TTC16: variants seen among roughly 807,000 people sequenced by gnomAD.
TTC16 encodes the protein tetratricopeptide repeat domain 16.
A neutral mutation model predicts 80.4 loss-of-function variants in TTC16; 66 were observed. The ratio of observed to expected loss-of-function variants is 0.82; its 90% CI spans 0.67 to 1.01. TTC16 has a LOEUF of 1.01. Among genes scored for constraint, TTC16 ranks in the 50% least tolerant of loss-of-function variants. TTC16 has a pLI of 0.00. For missense variants in TTC16, 1,070 were observed against 1,103.2 expected, an observed-to-expected ratio of 0.97 and a Z score of 0.43; for synonymous variants, 438 against 451.3, an observed-to-expected ratio of 0.97 and a Z score of 0.37.
chr9:127,730,954 G>A lies in TTC16; in HGVS notation c.2171G>A (p.Arg724Lys), dbSNP rs868470251. The A allele has an allele frequency of 6.2e-7, 1 of 1,609,918 alleles. No individual in the cohort carries two copies. The highest frequency in any genetic ancestry group is 8.5e-7 in the Non-Finnish European group (1 of 1,179,054). Residue 724 changes from arginine to lysine, a missense_variant, in exon 14 of 14, where the codon AGG becomes AAG. Coordinates refer to ENST00000373289, the MANE Select transcript of TTC16 (RefSeq NM_144965.3). ...QSQRRNSSKT[R>K]ATQGQGQSSS... Reference sequence around the variant, plus strand: ...CAGAGGCGGAACTCCAGCAAGACCAGGGCCACCCAGGGCCAGGGGCAGAGC... The same window carrying A: ...CAGAGGCGGAACTCCAGCAAGACCAAGGCCACCCAGGGCCAGGGGCAGAGC...
Position 127,727,084 on chromosome 9 carries a change from C to G in TTC16, c.1540C>G (p.Gln514Glu). 6.2e-7 allele frequency: 1 copy of G among 1,608,430 alleles called. No individual in the cohort carries two copies. The highest frequency in any genetic ancestry group is 1.1e-5 in the South Asian group (1 of 90,654). Residue 514 changes from glutamine (Q) to glutamate (E), a missense_variant, in exon 11 of 14, where the codon CAG (glutamine) becomes GAG (glutamate). Coordinates refer to ENST00000373289, the MANE Select transcript of TTC16 (RefSeq NM_144965.3). ...GGAGCAGATGGTGGAGGGCAGCCTGCAGGCCGGCAGCCCACAAGGCATTGT... is the reference window on the plus strand; with the variant it reads ...GGAGCAGATGGTGGAGGGCAGCCTGGAGGCCGGCAGCCCACAAGGCATTGT... ...QLEQMVEGSL[Q>E]AGSPQGIVGM... is the part of the protein sequence containing the mutation.
chr9:127,730,978 G>A lies in TTC16; in HGVS notation c.2195G>A (p.Ser732Asn). 6.2e-7 allele frequency: 1 copy of A among 1,612,454 alleles called. No individual in the cohort carries two copies. The highest frequency in any genetic ancestry group is 8.5e-7 in the Non-Finnish European group (1 of 1,179,656). Residue 732 changes from serine to asparagine, a missense_variant, in exon 14 of 14, where the codon AGC (serine) becomes AAC (asparagine). By Grantham distance (46) the Ser-to-Asn change is conservative. Transcript: ENST00000373289. Reference sequence around the variant, plus strand: ...AGGGCCACCCAGGGCCAGGGGCAGAGCTCCAGCAAGACTGAGGCCACTCAG... The same window carrying A: ...AGGGCCACCCAGGGCCAGGGGCAGAACTCCAGCAAGACTGAGGCCACTCAG... ...KTRATQGQGQ[S>N]SSKTEATQGQ...
intron 6 of TTC16, among the ~76,000 whole-genome samples, chr9:127,721,181 A>G (rs1171125329): frequency 2.0e-5 from 3 of 151,364 alleles, no homozygotes; most frequent in African/African-American, 7.3e-5. Context: ...AGTCAGTGGG[A>G]GCCTCCACCA....
intron 9 of TTC16, among the ~76,000 whole-genome samples, chr9:127,725,419 C>T (rs1456874924): frequency 6.6e-6 from 1 of 150,952 alleles, no homozygotes; most frequent in Non-Finnish European, 1.5e-5. Flanking sequence ...AAAAAATTAG[C>T]CGGGCGTCGT....
At position 127,731,145 on chromosome 9, in the gene TTC16, G is replaced by A; in HGVS notation, c.2362G>A (p.Val788Ile). ...ARGRSWRPSK[V>I]DATQGRSRGL... is the part of the protein sequence containing the mutation. ...TGGCCGGAGCTGGAGACCCAGCAAG[G>A]TTGATGCCACCCAGGGCCGAAGCAG... Residue 788 changes from valine (V) to isoleucine (I), a missense_variant, in exon 14 of 14, where the codon GTT becomes ATT. Val to Ile is a conservative substitution (Grantham distance 29). Coordinates refer to ENST00000373289, the MANE Select transcript of TTC16 (RefSeq NM_144965.3). 6.2e-7 allele frequency: 1 copy of A among 1,611,524 alleles called. No homozygotes were observed. The highest frequency in any genetic ancestry group is 8.5e-7 in the Non-Finnish European group (1 of 1,179,468).
chr9:127,727,379 G>C lies in TTC16; in HGVS notation c.1678G>C (p.Glu560Gln), dbSNP rs1270057999. Residue 560 changes from glutamate (E) to glutamine (Q), a missense_variant, in exon 12 of 14, where the codon GAG (glutamate) becomes CAG (glutamine). Transcript: ENST00000373289. Reference protein sequence around the residue: ...ATSEELKATPEIPQVKPGSSE... With the variant: ...ATSEELKATPQIPQVKPGSSE... ...CTCCGAGGAGCTGAAGGCCACCCCT[G>C]AGATTCCGCAGGTAAAACCGGGAAG... 1 of 1,611,640 alleles carries C rather than the reference G, an allele frequency of 6.2e-7. No homozygotes were observed. Among genetic ancestry groups the C allele is most frequent in the Non-Finnish European group, 8.5e-7 (1 of 1,179,090 alleles).
chr9:127,730,768 G>A lies in TTC16; in HGVS notation c.1985G>A (p.Arg662Lys). The change falls in exon 14 of 14, where the codon AGG (arginine) becomes AAG (lysine). Residue 662 changes from arginine to lysine, a missense_variant. Arg to Lys is a conservative substitution (Grantham distance 26, BLOSUM62 2). Transcript: ENST00000373289. ...CAATCCTCGGACTCTGGGAACAACAGGGAGGCACTAAGCCATGGTCCCAGA... is the reference window on the plus strand; with the variant it reads ...CAATCCTCGGACTCTGGGAACAACAAGGAGGCACTAAGCCATGGTCCCAGA... Reference protein sequence around the residue: ...KTQSSDSGNNREALSHGPRKI... With the variant: ...KTQSSDSGNNKEALSHGPRKI... 6.2e-7 allele frequency: 1 copy of A among 1,613,742 alleles called. No individual in the cohort carries two copies. Among genetic ancestry groups the A allele is most frequent in the Non-Finnish European group, 8.5e-7 (1 of 1,180,042 alleles).
chr9:127,726,333 C>G lies in TTC16; in HGVS notation c.1354C>G (p.Leu452Val). 6.2e-7 allele frequency: 1 copy of G among 1,612,540 alleles called. No individual in the cohort carries two copies. The highest frequency in any genetic ancestry group is 8.5e-7 in the Non-Finnish European group (1 of 1,179,504). ...CCTGTACCGGGCCAAGAGCCGGCAG[C>G]TGCTGCAGAACATTTTTGGGGCCCG... is the stretch of plus-strand genomic sequence containing the variant. ...YYLYRAKSRQ[L>V]LQNIFGARQD... Residue 452 changes from leucine to valine, a missense_variant, in exon 10 of 14, where the codon CTG becomes GTG. By Grantham distance (32) the Leu-to-Val change is conservative. Transcript: ENST00000373289.
chr9:127,729,454 TG>T, intron 12 of TTC16, 126 bp from the exon 13 acceptor site: 1 of 734,800 alleles, frequency 1.4e-6, no homozygotes, highest in Non-Finnish European at 2.3e-6. Flanking sequence ...CACTCTAACC[TG>T]GCACCTTCAA....
rs1798171546 is a variant in TTC16, at chr9:127,724,849, G to A, written c.1211G>A (p.Arg404His). The A allele has an allele frequency of 4.4e-6, 7 of 1,590,814 alleles. No individual in the cohort carries two copies. The highest frequency in any genetic ancestry group is 6.0e-6 in the Non-Finnish European group (7 of 1,170,078). ...LSPQDEGANT[R>H]MGLLQEKMGF... ...CCTCAGGACGAGGGCGCCAACACGC[G>A]CATGGGCCTGCTGCAGGAGAAGATG... Residue 404 changes from arginine to histidine, a missense_variant, in exon 9 of 14, where the codon CGC (arginine) becomes CAC (histidine). Transcript: ENST00000373289.
At position 127,724,143 on chromosome 9, in the gene TTC16, A is replaced by G; in HGVS notation, c.896A>G (p.Gln299Arg). Residue 299 changes from glutamine (Q) to arginine (R), a missense_variant, in exon 8 of 14, where the codon CAG (glutamine) becomes CGG (arginine). By Grantham distance (43) the Gln-to-Arg change is conservative. Transcript: ENST00000373289. ...LFRGTMYRRL[Q>R]EFDGAVEDFL... Reference sequence around the variant, plus strand: ...AGGGGCACCATGTACCGACGGCTCCAGGAGTTCGATGGGGCAGTGGAGGAC... The same window carrying G: ...AGGGGCACCATGTACCGACGGCTCCGGGAGTTCGATGGGGCAGTGGAGGAC... The G allele has an allele frequency of 6.2e-7, 1 of 1,612,332 alleles. No individual in the cohort carries two copies. Among genetic ancestry groups the G allele is most frequent in the Non-Finnish European group, 8.5e-7 (1 of 1,179,648 alleles).
intron 13 of TTC16, 114 bp downstream of exon 13, chr9:127,729,782 T>A: frequency 1.1e-6 from 1 of 928,610 alleles, no homozygotes; most frequent in Non-Finnish European, 1.7e-6. Context: ...TGCTGACAGC[T>A]GGGTGGCCTG....
chr9:127,720,197 C>T lies in TTC16; in HGVS notation c.527+19C>T, dbSNP rs1220758436. ...ACCGATGGTGAGTGCCCCTGCCAGC[C>T]CCTTCTCCCAGCACCCACTTCCTGC... On this transcript the variant is annotated intron_variant, in intron 5 of 13. Transcript: ENST00000373289. The T allele has an allele frequency of 1.2e-6, 2 of 1,613,560 alleles. No individual in the cohort carries two copies.
At position 127,720,305 on chromosome 9, in the gene TTC16, C is replaced by T. The variant is rs774783616; in HGVS notation, c.567C>T (p.Cys189=). The T allele has an allele frequency of 6.2e-7, 1 of 1,613,472 alleles. No homozygotes were observed. The highest frequency in any genetic ancestry group is 1.1e-5 in the South Asian group (1 of 91,090). Residue 189 remains cysteine (C), a synonymous_variant, in exon 6 of 14, where the codon TGC becomes TGT. Transcript: ENST00000373289. ...TGGCCCTCAAGCAGCATCAGGCCTG[C>T]CTCACGCTCATCACCAACGAGCTGA... ...CLLALKQHQA[C]LTLITNELKQ...
chr9:127,726,592 C>G (rs1241561368), intron 10 of TTC16, among the ~76,000 whole-genome samples, 188 bp downstream of exon 10: 1 of 151,876 alleles, frequency 6.6e-6, no homozygotes, highest in Non-Finnish European at 1.5e-5. Flanking sequence ...GTTCGAGACC[C>G]ACCGGGCCAA....
chr9:127,724,307 C>G lies in TTC16; in HGVS notation c.1060C>G (p.Leu354Val). 6.2e-7 allele frequency: 1 copy of G among 1,612,956 alleles called. No homozygotes were observed. Among genetic ancestry groups the G allele is most frequent in the Admixed American group, 1.7e-5 (1 of 60,018 alleles). The change falls in exon 8 of 14, where the codon CTG (leucine) becomes GTG (valine). Residue 354 changes from leucine (L) to valine (V), a missense_variant. Coordinates refer to ENST00000373289, the MANE Select transcript of TTC16 (RefSeq NM_144965.3). ...CGCCTACCAGGAGGGCGTGCTGCTGCTGAACAAGGCCCTCCGGGACGAGCA... is the reference window on the plus strand; with the variant it reads ...CGCCTACCAGGAGGGCGTGCTGCTGGTGAACAAGGCCCTCCGGGACGAGCA... ...QGAYQEGVLLLNKALRDEQQE... is the reference protein window; with the variant it reads ...QGAYQEGVLLVNKALRDEQQE...
intron 10 of TTC16, 123 bp from the exon 11 acceptor site, chr9:127,726,847 A>C (rs1244336686): frequency 9.5e-7 from 1 of 1,049,098 alleles, no homozygotes; most frequent in African/African-American, 1.6e-5. Flanking sequence ...AAAACATTGC[A>C]AAACTCTTCC....
intron 4 of TTC16, 95 bp from the exon 5 acceptor site, chr9:127,719,983 A>T: frequency 1.9e-6 from 2 of 1,035,198 alleles, no homozygotes; most frequent in Non-Finnish European, 3.0e-6. Context: ...TTGTCTTTGT[A>T]TCTCTCCCTC....
intron 13 of TTC16, 163 bp downstream of exon 13, chr9:127,729,831 G>T: frequency 1.6e-6 from 1 of 627,906 alleles, no homozygotes. Context: ...ACTGTTGCGG[G>T]GCTGCCCAGG....
Sources: gnomAD v4.1 joint callset for allele counts (sites outside exome capture counted in the v4.1 genomes callset) on GRCh38, gnomAD v4.1.1 for gene constraint, MANE v1.5 for transcripts, NCBI Gene and HGNC (gene_info 2026-07-23, HGNC 2026-07-21) for gene names.